The following CSMD1 variants were observed in gnomAD, a reference collection of about 807,000 sequenced individuals.
CSMD1 encodes the protein CUB and Sushi multiple domains 1, also known as CUB and sushi domain-containing protein 1.
Under a neutral mutation model 417.5 loss-of-function variants are expected in CSMD1, and 213 were observed. That is an observed-to-expected ratio of 0.51 (90% CI 0.46 to 0.57). The LOEUF (loss-of-function observed/expected upper bound fraction) is 0.57, where lower values mean the gene tolerates loss of function less well. Ranked by LOEUF, CSMD1 falls within the 20% of genes least tolerant of loss-of-function variation. The pLI is 0.00. For synonymous variants in CSMD1, 2,862 were observed against 1,736.8 expected (o/e 1.65, Z -16.11); for missense variants, 6,923 against 4,529.7 (o/e 1.53, Z -15.17).
rs1039975167 is a variant in CSMD1 at position 3,144,799 on chromosome 8, G to A, written c.6032-2125C>T. On this transcript the variant is annotated intron_variant, in intron 40 of 69. Coordinates refer to ENST00000635120, the MANE Select transcript of CSMD1 (RefSeq NM_033225.6). ...AGGGAGAGAAAGAGGCAACAAGGGG[G>A]GGGGGGAGGGAGGGAGGGAGAAGGG... 1.8e-4 allele frequency among the ~76,000 whole-genome samples: 25 copies of A among 138,538 alleles called. 1 individual carries two copies. In the South Asian group the frequency reaches 5.0e-3, roughly 28 times the overall value. The allele number at this position is 138,538 out of a possible 152,430, so 90.9% of individuals were successfully genotyped here. A position where few individuals can be genotyped will look rare whatever the true frequency, so the allele number is the denominator to read the frequency against.
intron 10 of CSMD1, among the ~76,000 whole-genome samples, chr8:3,514,994 A>G (rs1310008574): frequency 2.0e-5 from 3 of 152,226 alleles, no homozygotes; most frequent in Non-Finnish European, 4.4e-5. Flanking sequence ...ACAACATTTT[A>G]TACTGAAATT....
chr8:4,373,894 G>A (rs993937525), intron 3 of CSMD1, among the ~76,000 whole-genome samples: 2 of 152,166 alleles, frequency 1.3e-5, no homozygotes, highest in African/African-American at 2.4e-5. Context: ...AGCTGTTAGT[G>A]AGGTATTAAA....
At chr8:4,346,580 C>T (rs1584934493) in intron 3 of CSMD1, among the ~76,000 whole-genome samples, 1 of 152,182 alleles carries the variant, frequency 6.6e-6, no homozygotes, top group South Asian at 2.1e-4. Flanking sequence ...CGTTATTGTT[C>T]TTGACTGATT....
chr8:4,506,153 G>T (rs1483161671), intron 2 of CSMD1, among the ~76,000 whole-genome samples: 1 of 152,078 alleles, frequency 6.6e-6, no homozygotes, highest in East Asian at 1.9e-4. Flanking sequence ...TTAGATTGGT[G>T]CAAAAGTAAT....
chr8:4,578,292 A>T (rs1304988613), intron 2 of CSMD1, among the ~76,000 whole-genome samples: 3 of 137,696 alleles, frequency 2.2e-5, no homozygotes, highest in Non-Finnish European at 3.0e-5. Context: ...TCCCGAGTAG[A>T]GTAGCTGGGA....
At chr8:4,027,774 C>T (rs2740922) in intron 4 of CSMD1, among the ~76,000 whole-genome samples, 130,488 of 152,076 alleles carry the variant, frequency 0.86, 56,089 homozygotes, top group East Asian at 0.98. Flanking sequence ...ACTAAAATAA[C>T]ATAGTAAAGG....
chr8:3,903,753 T>G (rs1395327468), intron 5 of CSMD1, among the ~76,000 whole-genome samples: 1 of 152,204 alleles, frequency 6.6e-6, no homozygotes, highest in Non-Finnish European at 1.5e-5. Context: ...GGTGATGGAC[T>G]TTGCCACCTC....
intron 3 of CSMD1, among the ~76,000 whole-genome samples, chr8:4,272,085 A>G (rs1199109146): frequency 6.6e-6 from 1 of 152,118 alleles, no homozygotes; most frequent in East Asian, 1.9e-4. Context: ...CTGTTCAACT[A>G]TCAACTGTAC....
intron 7 of CSMD1, among the ~76,000 whole-genome samples, chr8:3,673,382 A>G (rs976710163): frequency 6.6e-6 from 1 of 152,224 alleles, no homozygotes; most frequent in Admixed American, 6.5e-5. Context: ...GAAAATTAGC[A>G]AGAATATGGA....
At chr8:4,042,814 T>TAAAAAAAAA (rs1563355345) in intron 3 of CSMD1, among the ~76,000 whole-genome samples, 2 of 21,018 alleles carry the variant, frequency 9.5e-5, no homozygotes, top group African/African-American at 5.0e-4. Flanking sequence ...GTACAACATA[T>TAAAAAAAAA]TAAAAAAAAA....
At chr8:3,504,549 A>G (rs982470329) in intron 10 of CSMD1, among the ~76,000 whole-genome samples, 1 of 152,230 alleles carries the variant, frequency 6.6e-6, no homozygotes, top group East Asian at 1.9e-4. Flanking sequence ...AGACCCAGGC[A>G]CATTCTGCCA....
intron 8 of CSMD1, among the ~76,000 whole-genome samples, chr8:3,601,721 G>C (rs969167446): frequency 6.6e-6 from 1 of 152,214 alleles, no homozygotes; most frequent in Non-Finnish European, 1.5e-5. Flanking sequence ...CAATATTAAA[G>C]CAGTGAACAT....
intron 2 of CSMD1, among the ~76,000 whole-genome samples, chr8:4,584,184 G>A (rs11987631): frequency 2.6e-5 from 4 of 151,814 alleles, no homozygotes; most frequent in African/African-American, 4.8e-5. Flanking sequence ...TCACTGCGAC[G>A]GTCCGTGGCA....
At chr8:4,981,851 G>C (rs1321081823) in intron 1 of CSMD1, among the ~76,000 whole-genome samples, 1 of 152,050 alleles carries the variant, frequency 6.6e-6, no homozygotes, top group Admixed American at 6.6e-5. Flanking sequence ...ATTACATATG[G>C]AATTGTAGCA....
chr8:4,349,629 C>T (rs984665649), intron 3 of CSMD1, among the ~76,000 whole-genome samples: 2 of 152,122 alleles, frequency 1.3e-5, no homozygotes, highest in African/African-American at 4.8e-5. Context: ...CCTGAAATTT[C>T]ACAATTGCAT....
intron 3 of CSMD1, among the ~76,000 whole-genome samples, chr8:4,374,063 T>C (rs980240184): frequency 5.3e-5 from 8 of 152,146 alleles, no homozygotes; most frequent in African/African-American, 1.9e-4. Context: ...TTAAATAATA[T>C]AATCAATAAT....
Position 3,933,980 on chromosome 8 carries a change from G to A in CSMD1, c.818+63923C>T, listed in dbSNP as rs1029602234. Among the ~76,000 whole-genome samples, 6 of 152,200 alleles carry A rather than the reference G, an allele frequency of 3.9e-5. No homozygotes were observed. The East Asian group carries it at 1.2e-3, about 29-fold the overall frequency. Reference sequence around the variant, plus strand: ...GGGACCACACAGTCGGGCTAGTGAAGTGGCAAACCCATGGCAAATATTCGC... The same window carrying A: ...GGGACCACACAGTCGGGCTAGTGAAATGGCAAACCCATGGCAAATATTCGC... On this transcript the variant is annotated intron_variant, in intron 5 of 69. Transcript: ENST00000635120.
At chr8:4,046,170 A>C (rs1289893850) in intron 3 of CSMD1, among the ~76,000 whole-genome samples, 1 of 152,092 alleles carries the variant, frequency 6.6e-6, no homozygotes, top group Admixed American at 6.6e-5. Flanking sequence ...TACACACACA[A>C]TTTATATGTG....
intron 6 of CSMD1, among the ~76,000 whole-genome samples, chr8:3,750,066 T>C (rs1190080958): frequency 1.3e-5 from 2 of 152,188 alleles, no homozygotes; most frequent in Non-Finnish European, 2.9e-5. Context: ...AAATTTGGAA[T>C]TTCAAGCTGT....
Sources: gnomAD v4.1 joint callset for allele counts (sites outside exome capture counted in the v4.1 genomes callset) on GRCh38, gnomAD v4.1.1 for gene constraint, MANE v1.5 for transcripts, NCBI Gene and HGNC (gene_info 2026-07-23, HGNC 2026-07-21) for gene names.